The following SEMA3A variants were observed in gnomAD, a reference collection of about 807,000 sequenced individuals.
The protein encoded by SEMA3A is semaphorin-3A.
In SEMA3A, 29 loss-of-function variants were observed where a neutral mutation model predicts 97.9. That is an observed-to-expected ratio of 0.30 (90% confidence interval 0.22 to 0.40). The LOEUF (loss-of-function observed/expected upper bound fraction) is 0.40. Among genes scored for constraint, SEMA3A ranks in the 10% least tolerant of loss-of-function variants. SEMA3A has a pLI of 1.00. For missense variants in SEMA3A, 763 were observed against 951.3 expected, an observed-to-expected ratio of 0.80 and a Z score of 2.60; for synonymous variants, 321 against 323.7, an observed-to-expected ratio of 0.99 and a Z score of 0.09.
chr7:84,195,024 A>AGAGAGAGAGAGAGAGAGAAAGAGAGAG (rs1798179833), upstream of SEMA3A: 5 of 140,560 alleles, frequency 3.6e-5, no homozygotes, highest in Non-Finnish European at 7.7e-5. Context: ...GAGAGAGAGA[A>AGAGAGAGAGAGAGAGAGAAAGAGAGAG]AGAGAGAGAG....
chr7:84,397,161 T>G (rs1803757846), intron 1 of SEMA3A, among the ~76,000 whole-genome samples: 1 of 151,958 alleles, frequency 6.6e-6, no homozygotes. Context: ...AAGGCTATTG[T>G]GTATGCTTAT....
intron 1 of SEMA3A, among the ~76,000 whole-genome samples, chr7:84,445,486 T>A (rs1185975131): frequency 5.1e-4 from 19 of 37,364 alleles, no homozygotes; most frequent in African/African-American, 6.3e-4. Flanking sequence ...AGAGTGAGAC[T>A]CCATCTCAAA....
Position 84,295,358 on chromosome 7 carries a change from T to C in SEMA3A, c.-83+11849A>G, listed in dbSNP as rs1451552138. Among the ~76,000 whole-genome samples, 3 of 152,150 alleles carry C rather than the reference T, an allele frequency of 2.0e-5. No homozygotes were observed. In the East Asian group the frequency reaches 5.8e-4, roughly 29 times the overall value. ...CCAACCAGGCTGTAGAGGTAAAGAT[T>C]TCCGTCATTCACAAAATGTGAATGT... On this transcript the variant is annotated intron_variant, in intron 3 of 3. Coordinates refer to the SEMA3A transcript ENST00000424555.
At chr7:84,136,768 C>A (rs1796136474) in intron 1 of SEMA3A, among the ~76,000 whole-genome samples, 1 of 151,972 alleles carries the variant, frequency 6.6e-6, no homozygotes, top group Non-Finnish European at 1.5e-5. Context: ...AATGGAATAT[C>A]TATCTTTTTA....
chr7:84,397,891 G>GAA (rs1377670840), intron 1 of SEMA3A, among the ~76,000 whole-genome samples: 1 of 152,050 alleles, frequency 6.6e-6, no homozygotes, highest in South Asian at 2.1e-4. Context: ...AGGCCATGGG[G>GAA]TTTTATGATA....
intron 12 of SEMA3A, 78 bp downstream of exon 12, chr7:84,001,875 TAC>T (rs1233346897): frequency 1.1e-6 from 1 of 918,274 alleles, no homozygotes; most frequent in Admixed American, 2.1e-5. Context: ...TACTTGTCCA[TAC>T]CAAGTTCAGT....
chr7:84,427,145 T>C (rs1235689295), intron 1 of SEMA3A, among the ~76,000 whole-genome samples: 2 of 152,100 alleles, frequency 1.3e-5, no homozygotes, highest in Non-Finnish European at 2.9e-5. Context: ...CTATATTTCC[T>C]AGAGGCAGTT....
At position 84,086,461 on chromosome 7, in the gene SEMA3A, T is replaced by TATAATATATTATTATATTATATTTAC. The variant is rs1562769850; in HGVS notation, c.453+24008_453+24009insGTAAATATAATATAATAATATATTAT. Among the ~76,000 whole-genome samples the TATAATATATTATTATATTATATTTAC allele has an allele frequency of 8.2e-5, 6 of 72,816 alleles. 1 individual carries two copies. The highest frequency in any genetic ancestry group is 2.3e-4 in the African/African-American group (5 of 22,080). 47.8% of individuals were successfully genotyped at this position (72,816 alleles called of 152,430 possible). ...TATATTTTATATATTATTATATTCA[T>TATAATATATTATTATATTATATTTAC]ATATAATATGTATTATTATATTATA... On this transcript the variant is annotated intron_variant, in intron 4 of 16. Coordinates refer to ENST00000265362, the MANE Select transcript of SEMA3A (RefSeq NM_006080.3).
intron 2 of SEMA3A, among the ~76,000 whole-genome samples, chr7:84,365,348 A>G (rs1288387503): frequency 1.3e-5 from 2 of 151,720 alleles, no homozygotes; most frequent in South Asian, 2.1e-4. Flanking sequence ...TAGTCTAGGT[A>G]TAAGTGCTTT....
At chr7:84,266,322 AAAAAAAAAAAAAAAAG>A (rs1485668450) in intron 3 of SEMA3A, among the ~76,000 whole-genome samples, 1 of 151,100 alleles carries the variant, frequency 6.6e-6, no homozygotes, top group Non-Finnish European at 1.5e-5. Context: ...TCAAAAAAAA[AAAAAAAAAAAAAAAAG>A]AAAAATGTTT....
chr7:84,082,086 G>A (rs1195152448), intron 4 of SEMA3A, among the ~76,000 whole-genome samples: 1 of 152,034 alleles, frequency 6.6e-6, no homozygotes, highest in Admixed American at 6.6e-5. Context: ...GCCCCAAAGT[G>A]GTAGAAGAAA....
intron 1 of SEMA3A, among the ~76,000 whole-genome samples, chr7:84,400,185 C>T (rs1350448675): frequency 6.6e-6 from 1 of 152,092 alleles, no homozygotes; most frequent in Non-Finnish European, 1.5e-5. Context: ...ACAAACAAGA[C>T]CAGACTGTGA....
chr7:84,103,077 A>G (rs2888221), intron 4 of SEMA3A, among the ~76,000 whole-genome samples: 64,388 of 151,912 alleles, frequency 0.42, 14,817 homozygotes, highest in Admixed American at 0.52. Flanking sequence ...TGACATTGCT[A>G]TGTATACTGA....
At chr7:84,284,020 C>T (rs768625389) in intron 3 of SEMA3A, among the ~76,000 whole-genome samples, 7 of 152,018 alleles carry the variant, frequency 4.6e-5, no homozygotes, top group Non-Finnish European at 1.0e-4. Flanking sequence ...GCAATAAATG[C>T]TAAGTCGCAT....
chr7:84,235,539 A>T, intron 3 of SEMA3A, among the ~76,000 whole-genome samples: 1 of 152,002 alleles, frequency 6.6e-6, no homozygotes, highest in East Asian at 1.9e-4. Flanking sequence ...TGCATGAATA[A>T]ATATTATTGG....
At chr7:84,062,724 C>G (rs575595309) in intron 4 of SEMA3A, among the ~76,000 whole-genome samples, 1 of 152,212 alleles carries the variant, frequency 6.6e-6, no homozygotes, top group Non-Finnish European at 1.5e-5. Context: ...GCTTAAAAAA[C>G]GGCGCATCAC....
rs1176408549 is a variant in SEMA3A at position 84,019,134 on chromosome 7, A to C, written c.668-4783T>G. Reference sequence around the variant, plus strand: ...TCATTGATAATATGTCGAATGTAAGAAATAGTGAGAAAAATCATAAAAAAG... The same window carrying C: ...TCATTGATAATATGTCGAATGTAAGCAATAGTGAGAAAAATCATAAAAAAG... On this transcript the variant is annotated intron_variant, in intron 6 of 16. Coordinates refer to ENST00000265362, the MANE Select transcript of SEMA3A (RefSeq NM_006080.3). Among the ~76,000 whole-genome samples, 3 of 152,142 alleles carry C rather than the reference A, an allele frequency of 2.0e-5. No individual in the cohort carries two copies. In the East Asian group the frequency reaches 5.8e-4, roughly 29 times the overall value.
intron 1 of SEMA3A, among the ~76,000 whole-genome samples, chr7:84,174,435 G>C (rs1797497150): frequency 6.6e-6 from 1 of 152,152 alleles, no homozygotes; most frequent in African/African-American, 2.4e-5. Flanking sequence ...CCTTATTTCA[G>C]TCTCAACCAG....
intron 1 of SEMA3A, among the ~76,000 whole-genome samples, chr7:84,426,706 T>C (rs1417690182): frequency 6.6e-6 from 1 of 152,120 alleles, no homozygotes; most frequent in African/African-American, 2.4e-5. Context: ...GCTGAGAAAA[T>C]ATTGTAAGTA....
Sources: gnomAD v4.1 joint callset for allele counts (sites outside exome capture counted in the v4.1 genomes callset) on GRCh38, gnomAD v4.1.1 for gene constraint, MANE v1.5 for transcripts, NCBI Gene and HGNC (gene_info 2026-07-23, HGNC 2026-07-21) for gene names.